CACNA1D: variants seen among roughly 807,000 people sequenced by gnomAD.
CACNA1D encodes calcium voltage-gated channel subunit alpha1 D.
CACNA1D carries 55 observed loss-of-function variants against 257.1 expected under a neutral mutation model. The ratio of observed to expected loss-of-function variants is 0.21; its 90% CI spans 0.17 to 0.27. CACNA1D has a LOEUF of 0.27. Among genes scored for constraint, CACNA1D ranks in the 10% least tolerant of loss-of-function variants. The pLI is 1.00. For synonymous variants in CACNA1D, 980 were observed against 1,014.9 expected, an observed-to-expected ratio of 0.97 and a Z score of 0.65; for missense variants, 1,876 against 2,784.0, an observed-to-expected ratio of 0.67 and a Z score of 7.34.
intron 3 of CACNA1D, among the ~76,000 whole-genome samples, chr3:53,547,122 A>C (rs1341311201): frequency 2.0e-5 from 3 of 152,202 alleles, no homozygotes; most frequent in Non-Finnish European, 2.9e-5. Context: ...TTATTTGCTG[A>C]ATAAATGTCA....
chr3:53,691,112 T>C (rs975538840), intron 8 of CACNA1D, among the ~76,000 whole-genome samples: 1 of 152,040 alleles, frequency 6.6e-6, no homozygotes, highest in Non-Finnish European at 1.5e-5. Flanking sequence ...GAGAGAGTGA[T>C]GGCAGAAAAG....
At position 53,660,117 on chromosome 3, in the gene CACNA1D, C is replaced by T. The variant is rs555638208; in HGVS notation, c.624-16C>T. On this transcript the variant is annotated splice_polypyrimidine_tract_variant and intron_variant, in intron 4 of 47. Coordinates refer to ENST00000350061, the MANE Select transcript of CACNA1D (RefSeq NM_001128840.3). ...GTAACAGACTCTAACATTTCTTTCT[C>T]TTTCTCTTCTTTCAGATTGTTTAGT... The T allele has an allele frequency of 1.2e-6, 2 of 1,612,160 alleles. No individual in the cohort carries two copies. Among genetic ancestry groups the T allele is most frequent in the Non-Finnish European group, 1.7e-6 (2 of 1,178,238 alleles).
At chr3:53,762,726 A>G (rs1223772283) in intron 30 of CACNA1D, 8 of 401,016 alleles carry the variant, frequency 2.0e-5, no homozygotes, top group Middle Eastern at 3.5e-4. Context: ...ATCTCCACAC[A>G]CTTTAGAAAT....
chr3:53,697,557 T>G (rs987753400), intron 8 of CACNA1D, among the ~76,000 whole-genome samples: 14 of 145,340 alleles, frequency 9.6e-5, no homozygotes, highest in Non-Finnish European at 1.9e-4. Context: ...AGCATTCAAA[T>G]TTTTTTCTAT....
Position 53,723,703 on chromosome 3 carries a change from G to A in CACNA1D, c.1892+44G>A, listed in dbSNP as rs2094904215. 1 of 1,598,496 alleles carries A rather than the reference G, an allele frequency of 6.3e-7. No homozygotes were observed. The highest frequency in any genetic ancestry group is 8.6e-7 in the Non-Finnish European group (1 of 1,165,882). On this transcript the variant is annotated intron_variant, in intron 13 of 47. Coordinates refer to ENST00000350061, the MANE Select transcript of CACNA1D (RefSeq NM_001128840.3). The surrounding 1 kb of genome is among the most constrained non-coding windows in gnomAD (Gnocchi z 5.6). ...CACTGCAAATGTTTTATGAACATGA[G>A]GCGGCAACCAGTCACATCCCCGGGC... is the stretch of plus-strand genomic sequence containing the variant.
At chr3:53,499,667 G>A (rs2090508048) in intron 2 of CACNA1D, among the ~76,000 whole-genome samples, 1 of 152,184 alleles carries the variant, frequency 6.6e-6, no homozygotes, top group Admixed American at 6.5e-5. Context: ...TAGTCTTCCT[G>A]AACAGTGTTA....
At chr3:53,805,802 CT>C (rs2095560203) in intron 45 of CACNA1D, among the ~76,000 whole-genome samples, 5 of 144,120 alleles carry the variant, frequency 3.5e-5, no homozygotes, top group Admixed American at 2.1e-4. Flanking sequence ...CCTCCTCCTC[CT>C]CTATCTTCCC....
chr3:53,701,514 AG>A (rs1454362647), intron 8 of CACNA1D, among the ~76,000 whole-genome samples: 1 of 152,188 alleles, frequency 6.6e-6, no homozygotes, highest in Non-Finnish European at 1.5e-5. Context: ...TTATCGAGGT[AG>A]GACCCTGAAA....
chr3:53,560,195 A>G (rs1575869989), intron 3 of CACNA1D, among the ~76,000 whole-genome samples: 1 of 151,362 alleles, frequency 6.6e-6, no homozygotes, highest in South Asian at 2.1e-4. Context: ...CTGGAGGGGG[A>G]AAACAGTGGA....
At chr3:53,547,522 TGA>T (rs1262209587) in intron 3 of CACNA1D, among the ~76,000 whole-genome samples, 2 of 152,204 alleles carry the variant, frequency 1.3e-5, no homozygotes, top group Admixed American at 1.3e-4. Flanking sequence ...TAGAAAGTTG[TGA>T]GTCAGTTCTT....
intron 4 of CACNA1D, among the ~76,000 whole-genome samples, chr3:53,652,376 G>A (rs1030396296): frequency 1.3e-5 from 2 of 152,172 alleles, no homozygotes; most frequent in African/African-American, 4.8e-5. Context: ...ACAGACAAGA[G>A]TTTGGGGAGG....
Position 53,805,126 on chromosome 3 carries a change from T to G in CACNA1D, c.5729T>G (p.Leu1910Arg), listed in dbSNP as rs768465264. The G allele has an allele frequency of 1.9e-6, 3 of 1,614,000 alleles. No homozygotes were observed. The highest frequency in any genetic ancestry group is 2.5e-6 in the Non-Finnish European group (3 of 1,180,018). ...TCACGGAGATCTCCAAGGAGACGCC[T>G]ACTACCTCCCACCCCAGCATGTGAG... ...YDSRRSPRRR[L>R]LPPTPASHRR... Residue 1910 changes from leucine to arginine, a missense_variant, in exon 45 of 48, where the codon CTA (leucine) becomes CGA (arginine). By Grantham distance (102) the Leu-to-Arg change is moderately radical. Around this residue, in one of 10 missense-constraint regions of CACNA1D, gnomAD observed 491 missense variants for 554.3 expected, o/e 0.89. Transcript: ENST00000350061.
chr3:53,745,818 C>A lies in CACNA1D; in HGVS notation c.3115-5C>A. 1 of 1,612,344 alleles carries A rather than the reference C, an allele frequency of 6.2e-7. No homozygotes were observed. Among genetic ancestry groups the A allele is most frequent in the Non-Finnish European group, 8.5e-7 (1 of 1,178,364 alleles). On this transcript the variant is annotated splice_polypyrimidine_tract_variant and splice_region_variant and intron_variant, in intron 24 of 47. Coordinates refer to ENST00000350061, the MANE Select transcript of CACNA1D (RefSeq NM_001128840.3). ...TACTTAACTGCCTGTCTATTTTATA[C>A]CCAGGGGAAGTTCTATCGCTGTACG...
At chr3:53,712,562 T>G (rs2094770974) in intron 9 of CACNA1D, among the ~76,000 whole-genome samples, 1 of 152,150 alleles carries the variant, frequency 6.6e-6, no homozygotes, top group African/African-American at 2.4e-5. Flanking sequence ...TGTGTGGGCT[T>G]CTTCTGGATT....
chr3:53,657,961 A>G (rs1165419726), intron 4 of CACNA1D, among the ~76,000 whole-genome samples: 1 of 152,236 alleles, frequency 6.6e-6, no homozygotes, highest in African/African-American at 2.4e-5. Context: ...CTCTTATCCC[A>G]TGCCTCCAAA....
rs1486974148 is a variant in CACNA1D at position 53,520,255 on chromosome 3, C to T, written c.483+18535C>T. On this transcript the variant is annotated intron_variant, in intron 3 of 47. Coordinates refer to ENST00000350061, the MANE Select transcript of CACNA1D (RefSeq NM_001128840.3). Reference sequence around the variant, plus strand: ...GCAGCTGCGCCATTTTACATTACCACCAGCAACATGTGGAGGTTCCAATTT... The same window carrying T: ...GCAGCTGCGCCATTTTACATTACCATCAGCAACATGTGGAGGTTCCAATTT... Among the ~76,000 whole-genome samples, 5 of 152,342 alleles carry T rather than the reference C, an allele frequency of 3.3e-5. No homozygotes were observed. In the East Asian group the frequency reaches 9.6e-4, roughly 29 times the overall value.
chr3:53,721,196 C>T (rs768898051), intron 11 of CACNA1D, among the ~76,000 whole-genome samples: 2 of 152,206 alleles, frequency 1.3e-5, no homozygotes, highest in Admixed American at 6.5e-5. Flanking sequence ...GGAACCTGCA[C>T]AGCAAGAGTA....
chr3:53,722,583 C>A, intron 12 of CACNA1D, 109 bp downstream of exon 12: 1 of 1,129,284 alleles, frequency 8.9e-7, no homozygotes, highest in Non-Finnish European at 1.3e-6. Flanking sequence ...CGCAACATTT[C>A]TAGTGAGGAC....
intron 31 of CACNA1D, 28 bp from the exon 32 acceptor site, chr3:53,770,396 G>A (rs2095359927): frequency 6.2e-7 from 1 of 1,611,292 alleles, no homozygotes; most frequent in East Asian, 2.2e-5. Flanking sequence ...TTTCCATTGG[G>A]TTTGACCTCT....
Sources: gnomAD v4.1 joint callset for allele counts (sites outside exome capture counted in the v4.1 genomes callset) on GRCh38, gnomAD v4.1.1 for gene constraint, gnomAD v4.1.1 regional missense constraint, Gnocchi (gnomAD v3.1) non-coding constraint, MANE v1.5 for transcripts, NCBI Gene and HGNC (gene_info 2026-07-23, HGNC 2026-07-21) for gene names.